The following CNTNAP2 variants were observed in gnomAD, a reference collection of about 807,000 sequenced individuals.
CNTNAP2 encodes the protein contactin-associated protein-like 2.
In CNTNAP2, 98 loss-of-function variants were observed where a neutral mutation model predicts 155.2. The ratio of observed to expected loss-of-function variants is 0.63; its 90% CI spans 0.54 to 0.75. The LOEUF is 0.75. CNTNAP2 is among the 30% of genes least tolerant of loss of function. The pLI, the probability that CNTNAP2 is intolerant of heterozygous loss-of-function variation, is 0.00. For missense variants in CNTNAP2, 1,727 were observed against 1,688.1 expected (o/e 1.02, Z -0.40); for synonymous variants, 651 against 631.2 (o/e 1.03, Z -0.47).
At chr7:147,284,238 C>CT (rs35390026) in intron 8 of CNTNAP2, among the ~76,000 whole-genome samples, 5,187 of 151,298 alleles carry the variant, frequency 0.034, 122 homozygotes, top group Non-Finnish European at 0.052. Context: ...GTATTCTAGT[C>CT]TTTTTTTTAA....
rs181847231 is a variant in CNTNAP2, at chr7:146,824,457, C to T, written c.209-15254C>T. ...TTCTGGTTCTGCATCCTTGAGGAAT[C>T]GCCACACTGTGTTCCACAATGGTTG... On this transcript the variant is annotated intron_variant, in intron 2 of 23. Coordinates refer to ENST00000361727, the MANE Select transcript of CNTNAP2 (RefSeq NM_014141.6). Among the ~76,000 whole-genome samples, 28 of 152,158 alleles carry T rather than the reference C, an allele frequency of 1.8e-4. No homozygotes were observed. The East Asian group carries it at 2.1e-3, about 12-fold the overall frequency.
intron 14 of CNTNAP2, among the ~76,000 whole-genome samples, chr7:147,925,154 A>AGAGAGAGAAG (rs1554450375): frequency 3.2e-5 from 2 of 63,342 alleles, no homozygotes; most frequent in Non-Finnish European, 6.5e-5. Context: ...AGAGAGAGAG[A>AGAGAGAGAAG]GAAGGAAGGA....
chr7:147,961,105 C>G (rs181235669), intron 14 of CNTNAP2, among the ~76,000 whole-genome samples: 1 of 152,076 alleles, frequency 6.6e-6, no homozygotes, highest in Admixed American at 6.6e-5. Flanking sequence ...TCACATCTGA[C>G]CTATTCATGT....
intron 14 of CNTNAP2, among the ~76,000 whole-genome samples, chr7:147,962,595 AATG>A (rs1245494717): frequency 1.3e-5 from 2 of 152,200 alleles, no homozygotes; most frequent in Admixed American, 1.3e-4. Flanking sequence ...GGGAAGTGAT[AATG>A]ATAATTTTAA....
intron 1 of CNTNAP2, among the ~76,000 whole-genome samples, chr7:146,304,818 G>A (rs1229406329): frequency 1.3e-5 from 2 of 152,042 alleles, no homozygotes; most frequent in African/African-American, 4.8e-5. Flanking sequence ...ATGTTGGCCT[G>A]CCTTGCTATT....
intron 2 of CNTNAP2, among the ~76,000 whole-genome samples, chr7:146,783,053 C>T (rs1038888816): frequency 1.3e-5 from 2 of 152,014 alleles, no homozygotes; most frequent in Non-Finnish European, 2.9e-5. Flanking sequence ...GGTGTTAAGA[C>T]TTACAGTGAC....
intron 14 of CNTNAP2, among the ~76,000 whole-genome samples, chr7:147,930,610 A>G (rs1269115861): frequency 6.6e-6 from 1 of 152,224 alleles, no homozygotes; most frequent in Non-Finnish European, 1.5e-5. Context: ...AGAAAGAAAT[A>G]CAATATTAGA....
intron 15 of CNTNAP2, among the ~76,000 whole-genome samples, chr7:147,996,491 C>T (rs533254758): frequency 6.6e-6 from 1 of 152,298 alleles, no homozygotes; most frequent in African/African-American, 2.4e-5. Flanking sequence ...CATTTATCAG[C>T]AGTGTGACAT....
At chr7:147,740,239 A>G (rs556265759) in intron 13 of CNTNAP2, among the ~76,000 whole-genome samples, 6 of 149,890 alleles carry the variant, frequency 4.0e-5, no homozygotes, top group South Asian at 2.2e-4. Context: ...AACATTTTCT[A>G]AGAGTGTGAT....
chr7:146,647,473 CTTGT>C (rs1180562988), intron 1 of CNTNAP2, among the ~76,000 whole-genome samples: 1 of 152,088 alleles, frequency 6.6e-6, no homozygotes, highest in Non-Finnish European at 1.5e-5. Flanking sequence ...TCAAACTTCT[CTTGT>C]TTGTTTCTTG....
chr7:147,737,974 G>A (rs1195992438), intron 13 of CNTNAP2, among the ~76,000 whole-genome samples: 2 of 152,194 alleles, frequency 1.3e-5, no homozygotes, highest in African/African-American at 2.4e-5. Flanking sequence ...CCCGGGTGAG[G>A]CGATGCCTTG....
At position 146,928,977 on chromosome 7, in the gene CNTNAP2, C is replaced by G. The variant is rs562236076; in HGVS notation, c.402+89073C>G. On this transcript the variant is annotated intron_variant, in intron 3 of 23. Coordinates refer to ENST00000361727, the MANE Select transcript of CNTNAP2 (RefSeq NM_014141.6). The stretch of plus-strand genomic sequence containing the variant: ...GCCCACCACAGCTCAAGGAGGCCTG[C>G]CTGCCTCTGTAGGCTCCACCTCTGG... Among the ~76,000 whole-genome samples the G allele has an allele frequency of 6.6e-4, 100 of 152,350 alleles. No homozygotes were observed. The East Asian group carries it at 0.015, about 22-fold the overall frequency.
chr7:147,935,425 G>C (rs1037944386), intron 14 of CNTNAP2, among the ~76,000 whole-genome samples: 1 of 152,022 alleles, frequency 6.6e-6, no homozygotes, highest in Non-Finnish European at 1.5e-5. Flanking sequence ...GCGCCCAGCC[G>C]AGTAAATCTT....
At chr7:147,263,400 C>A (rs1425573416) in intron 8 of CNTNAP2, among the ~76,000 whole-genome samples, 1 of 151,448 alleles carries the variant, frequency 6.6e-6, no homozygotes, top group Non-Finnish European at 1.5e-5. Context: ...TCACTTCTGA[C>A]TATAGGGATT....
At chr7:146,594,059 A>G (rs1798823668) in intron 1 of CNTNAP2, among the ~76,000 whole-genome samples, 1 of 152,136 alleles carries the variant, frequency 6.6e-6, no homozygotes, top group Admixed American at 6.6e-5. Flanking sequence ...CTCATAGGTT[A>G]GTTTAAACAG....
intron 11 of CNTNAP2, among the ~76,000 whole-genome samples, chr7:147,551,905 G>A (rs745644385): frequency 6.6e-6 from 1 of 152,044 alleles, no homozygotes; most frequent in Non-Finnish European, 1.5e-5. Flanking sequence ...AATTATAAAG[G>A]CTTAGCAAAG....
chr7:146,416,219 T>C (rs1795936427), intron 1 of CNTNAP2, among the ~76,000 whole-genome samples: 2 of 151,302 alleles, frequency 1.3e-5, no homozygotes, highest in Non-Finnish European at 2.9e-5. Context: ...GTTAATGTTA[T>C]TGTATTGTCA....
At chr7:148,307,139 A>G (rs1013897541) in intron 21 of CNTNAP2, among the ~76,000 whole-genome samples, 12 of 152,276 alleles carry the variant, frequency 7.9e-5, no homozygotes, top group African/African-American at 2.9e-4. Flanking sequence ...GTAAATGTTG[A>G]CTGAAGATCC....
At chr7:148,010,674 T>A (rs1048887924) in intron 15 of CNTNAP2, among the ~76,000 whole-genome samples, 36 of 147,980 alleles carry the variant, frequency 2.4e-4, no homozygotes, top group African/African-American at 6.5e-4. Context: ...TTTTTTTTTT[T>A]ATTAGACTTT....
Sources: allele counts gnomAD v4.1 joint callset (sites outside exome capture counted in the v4.1 genomes callset), GRCh38; gene constraint gnomAD v4.1.1; transcripts MANE v1.5; gene names NCBI Gene and HGNC (gene_info 2026-07-23, HGNC 2026-07-21).